PRKAA2: variants seen among roughly 807,000 people sequenced by gnomAD.
PRKAA2 encodes the protein 5'-AMP-activated protein kinase catalytic subunit alpha-2.
In PRKAA2, 40 loss-of-function variants were observed where a neutral mutation model predicts 56.3. The ratio of observed to expected loss-of-function variants is 0.71; its 90% CI spans 0.55 to 0.92. PRKAA2 has a LOEUF of 0.92. PRKAA2 is among the 40% of genes least tolerant of loss of function. The pLI, the probability that PRKAA2 is intolerant of heterozygous loss-of-function variation, is 0.00. For missense variants in PRKAA2, 542 were observed against 686.9 expected (o/e 0.79, Z 2.36); for synonymous variants, 214 against 234.2 (o/e 0.91, Z 0.79).
chr1:56,661,525 C>A, intron 1 of PRKAA2, among the ~76,000 whole-genome samples: 1 of 152,044 alleles, frequency 6.6e-6, no homozygotes. Flanking sequence ...ATTCTCATTG[C>A]TATATAGTAT....
At chr1:56,676,515 G>A (rs1644114114) in intron 2 of PRKAA2, among the ~76,000 whole-genome samples, 1 of 152,146 alleles carries the variant, frequency 6.6e-6, no homozygotes, top group Non-Finnish European at 1.5e-5. Flanking sequence ...CAGCTCTGCT[G>A]GCACCTTGAT....
chr1:56,649,745 G>A (rs1400952299), intron 1 of PRKAA2, among the ~76,000 whole-genome samples: 1 of 151,780 alleles, frequency 6.6e-6, no homozygotes, highest in Non-Finnish European at 1.5e-5. Context: ...TCACAGTGTT[G>A]GGATTACAAA....
rs373885346 is a variant in PRKAA2, at chr1:56,704,174, G to A, written c.992G>A (p.Arg331Gln). 47 of 1,613,938 alleles carry A rather than the reference G, an allele frequency of 2.9e-5. No homozygotes were observed. The highest frequency in any genetic ancestry group is 3.5e-5 in the Non-Finnish European group (41 of 1,180,002). ...GCTTATCATCTTATCATTGACAATC[G>A]GAGAATAATGAACCAAGCCAGTGAG... ...AVAYHLIIDN[R>Q]RIMNQASEFY... Residue 331 changes from arginine to glutamine, a missense_variant, in exon 7 of 9, where the codon CGG (arginine) becomes CAG (glutamine). Coordinates refer to ENST00000371244, the MANE Select transcript of PRKAA2 (RefSeq NM_006252.4).
intron 1 of PRKAA2, among the ~76,000 whole-genome samples, chr1:56,655,280 A>ATATATATATTGTTTTTTTTTTTTTTT: frequency 1.1e-5 from 1 of 93,680 alleles, no homozygotes; most frequent in Non-Finnish European, 1.9e-5. Context: ...ATATATATAT[A>ATATATATATTGTTTTTTTTTTTTTTT]TTTTTTTTTT....
chr1:56,654,369 G>A (rs1414589949), intron 1 of PRKAA2, among the ~76,000 whole-genome samples: 2 of 151,976 alleles, frequency 1.3e-5, no homozygotes, highest in Non-Finnish European at 2.9e-5. Context: ...AGATTCCTGT[G>A]GTTTCCTAAA....
At position 56,704,283 on chromosome 1, in the gene PRKAA2, A is replaced by C. The variant is rs199847556; in HGVS notation, c.1101A>C (p.Pro367=). The C allele has an allele frequency of 1.2e-6, 2 of 1,614,134 alleles. No individual in the cohort carries two copies. The highest frequency in any genetic ancestry group is 3.3e-5 in the Admixed American group (2 of 60,012). ...TTCCCCCAGGCCTGAAACCTCATCC[A>C]GAAAGGATGCCACCTCTTATAGCAG... ...MHIPPGLKPH[P]ERMPPLIADS... The change falls in exon 7 of 9, where the codon CCA becomes CCC. Residue 367 remains proline (P), a synonymous_variant. Transcript: ENST00000371244.
At chr1:56,692,324 A>G (rs758625794) in intron 3 of PRKAA2, 34 bp from the exon 4 acceptor site, 2 of 1,612,884 alleles carry the variant, frequency 1.2e-6, no homozygotes, top group South Asian at 2.2e-5. Flanking sequence ...CCAGCCCCAG[A>G]TATTCTTAAT....
At position 56,671,677 on chromosome 1, in the gene PRKAA2, A is replaced by G. The variant is rs186088538; in HGVS notation, c.95-2704A>G. 4.6e-5 allele frequency among the ~76,000 whole-genome samples: 7 copies of G among 152,336 alleles called. No individual in the cohort carries two copies. The East Asian group carries it at 1.4e-3, about 29-fold the overall frequency. On this transcript the variant is annotated intron_variant, in intron 1 of 8. Coordinates refer to ENST00000371244, the MANE Select transcript of PRKAA2 (RefSeq NM_006252.4). ...AACTCAGTTCTTCCTAAGTCATCGC[A>G]TTACATGTTTGGAGTACTCTGACTG...
rs1156626149 is a variant in PRKAA2 at position 56,713,486 on chromosome 1, G to A, written c.*5773G>A. On this transcript the variant is annotated 3_prime_UTR_variant, in exon 9 of 9. Transcript: ENST00000371244. ...AGCAGGGTAGGTAAATTTCAATTAC[G>A]TTTGAAGTGTAATTAAATCCTAGAA... is the stretch of plus-strand genomic sequence containing the variant. 1.3e-5 allele frequency: 2 copies of A among 151,812 alleles called. No homozygotes were observed. Among genetic ancestry groups the A allele is most frequent in the Non-Finnish European group, 2.9e-5 (2 of 67,962 alleles). 9.4% of individuals were successfully genotyped at this position (151,812 alleles called of 1,614,324 possible).
chr1:56,700,331 C>T (rs749208589), intron 6 of PRKAA2, among the ~76,000 whole-genome samples: 9 of 152,128 alleles, frequency 5.9e-5, no homozygotes, highest in Non-Finnish European at 1.0e-4. Flanking sequence ...TGGGGTATAT[C>T]CTTAGTGCTC....
intron 6 of PRKAA2, among the ~76,000 whole-genome samples, chr1:56,698,138 A>AACT (rs1193014110): frequency 3.5e-5 from 5 of 144,666 alleles, no homozygotes; most frequent in Admixed American, 1.4e-4. Flanking sequence ...GCTGGTCTTG[A>AACT]ACTCCTGGCC....
chr1:56,697,745 T>C (rs1455914240), intron 6 of PRKAA2, among the ~76,000 whole-genome samples: 2 of 152,026 alleles, frequency 1.3e-5, no homozygotes, highest in African/African-American at 4.8e-5. Flanking sequence ...GGAAGATTGC[T>C]TGAGCCCAGA....
intron 1 of PRKAA2, among the ~76,000 whole-genome samples, chr1:56,655,280 A>ATATATATATATATTTTT: frequency 2.7e-4 from 25 of 93,652 alleles, no homozygotes; most frequent in African/African-American, 8.6e-4. Context: ...ATATATATAT[A>ATATATATATATATTTTT]TTTTTTTTTT....
chr1:56,707,858 C>G lies in PRKAA2; in HGVS notation c.*145C>G, dbSNP rs546458014. The G allele has an allele frequency of 7.8e-5, 60 of 769,644 alleles. No individual in the cohort carries two copies. The South Asian group carries it at 1.1e-3, about 14-fold the overall frequency. The allele number at this position is 769,644 out of a possible 1,614,324, so 47.7% of individuals were successfully genotyped here. A position where few individuals can be genotyped will look rare whatever the true frequency, so the allele number is the denominator to read the frequency against. Reference sequence around the variant, plus strand: ...GGGGCACACAATGCTATTGAAATTACTGAAAACAAAATATCTGACATCTTA... The same window carrying G: ...GGGGCACACAATGCTATTGAAATTAGTGAAAACAAAATATCTGACATCTTA... On this transcript the variant is annotated 3_prime_UTR_variant, in exon 9 of 9. Transcript: ENST00000371244.
At chr1:56,659,708 A>G (rs534657904) in intron 1 of PRKAA2, among the ~76,000 whole-genome samples, 1 of 152,018 alleles carries the variant, frequency 6.6e-6, no homozygotes, top group Non-Finnish European at 1.5e-5. Context: ...GGATTCCTTG[A>G]ACCAGCCTGG....
rs1308955513 is a variant in PRKAA2, at chr1:56,710,317, T to G, written c.*2604T>G. 6.6e-6 allele frequency: 1 copy of G among 152,062 alleles called. No homozygotes were observed. The highest frequency in any genetic ancestry group is 1.9e-4 in the East Asian group (1 of 5,190). The allele number at this position is 152,062 out of a possible 1,614,324, so 9.4% of individuals were successfully genotyped here. A position where few individuals can be genotyped will look rare whatever the true frequency, so the allele number is the denominator to read the frequency against. ...ATGCTCCACAGAAAAAATGATTGCA[T>G]GGACTAAGTTTGAAAAATGTTGCAT... On this transcript the variant is annotated 3_prime_UTR_variant, in exon 9 of 9. Coordinates refer to ENST00000371244, the MANE Select transcript of PRKAA2 (RefSeq NM_006252.4).
At position 56,714,391 on chromosome 1, in the gene PRKAA2, T is replaced by C. The variant is rs897703658; in HGVS notation, c.*6678T>C. 11 of 152,154 alleles carry C rather than the reference T, an allele frequency of 7.2e-5. No homozygotes were observed. The highest frequency in any genetic ancestry group is 6.6e-4 in the Admixed American group (10 of 15,264). The allele number at this position is 152,154 out of a possible 1,614,324, so 9.4% of individuals were successfully genotyped here. A position where few individuals can be genotyped will look rare whatever the true frequency, so the allele number is the denominator to read the frequency against. On this transcript the variant is annotated 3_prime_UTR_variant, in exon 9 of 9. Transcript: ENST00000371244. ...CCCTTGTTTAAATACAGGGTTTATA[T>C]CCCCACATTCAATGTAAATTCCTTT...
chr1:56,693,967 C>A, intron 5 of PRKAA2, 115 bp downstream of exon 5: 1 of 683,360 alleles, frequency 1.5e-6, no homozygotes, highest in South Asian at 3.4e-5. Flanking sequence ...ATGGATTATT[C>A]ATTTATTTTT....
chr1:56,700,446 C>A (rs959001937), intron 6 of PRKAA2, among the ~76,000 whole-genome samples: 27 of 152,082 alleles, frequency 1.8e-4, no homozygotes, highest in African/African-American at 6.5e-4. Context: ...TTTTCTCAGG[C>A]AAACACACAA....
Sources: allele counts gnomAD v4.1 joint callset (sites outside exome capture counted in the v4.1 genomes callset), GRCh38; gene constraint gnomAD v4.1.1; transcripts MANE v1.5; gene names NCBI Gene and HGNC (gene_info 2026-07-23, HGNC 2026-07-21).